Variants in MALRD1 observed in about 807,000 individuals in gnomAD.
MALRD1 encodes MAM and LDL receptor class A domain containing 1, also known as MAM and LDL-receptor class A domain-containing protein 1.
A neutral mutation model predicts 242.1 loss-of-function variants in MALRD1; 247 were observed. The ratio of observed to expected loss-of-function variants is 1.02; its 90% CI spans 0.92 to 1.13. The LOEUF (loss-of-function observed/expected upper bound fraction) is 1.13, where lower values mean the gene tolerates loss of function less well. Ranked by LOEUF, MALRD1 falls within the 50% of genes most tolerant of loss-of-function variation. The pLI, the probability that MALRD1 is intolerant of heterozygous loss-of-function variation, is 0.00. For synonymous variants in MALRD1, 995 were observed against 866.6 expected (o/e 1.15, Z -2.60); for missense variants, 2,989 against 2,533.1 (o/e 1.18, Z -3.86).
intron 36 of MALRD1, among the ~76,000 whole-genome samples, chr10:19,680,306 A>C (rs1353961624): frequency 2.0e-5 from 3 of 152,082 alleles, no homozygotes. Context: ...AACTTGTTTT[A>C]TGAATCTGGG....
chr10:19,675,386 T>G (rs1842097913), intron 36 of MALRD1, among the ~76,000 whole-genome samples: 1 of 152,192 alleles, frequency 6.6e-6, no homozygotes, highest in Non-Finnish European at 1.5e-5. Flanking sequence ...CATTGCTCTC[T>G]GAGCTTCAAT....
intron 26 of MALRD1, among the ~76,000 whole-genome samples, chr10:19,382,606 A>T (rs891238046): frequency 1.3e-5 from 2 of 152,022 alleles, no homozygotes; most frequent in African/African-American, 4.8e-5. Flanking sequence ...AATACTTGGG[A>T]TTTACACCTG....
At chr10:19,416,870 C>A (rs995794876) in intron 28 of MALRD1, among the ~76,000 whole-genome samples, 41 of 152,186 alleles carry the variant, frequency 2.7e-4, no homozygotes, top group Non-Finnish European at 4.7e-4. Context: ...GCTCTTTCTT[C>A]TTTAATTTGT....
At chr10:19,147,146 C>G (rs139589972) in intron 11 of MALRD1, among the ~76,000 whole-genome samples, 40 of 152,326 alleles carry the variant, frequency 2.6e-4, no homozygotes, top group Middle Eastern at 3.4e-3. Flanking sequence ...GAGGGAGCCA[C>G]CACACCTGGC....
intron 29 of MALRD1, among the ~76,000 whole-genome samples, chr10:19,486,496 T>G (rs1837243030): frequency 6.6e-6 from 1 of 152,194 alleles, no homozygotes. Context: ...TATAGCAGCC[T>G]TAGAAACCCT....
At chr10:19,556,499 T>C (rs530371425) in intron 32 of MALRD1, among the ~76,000 whole-genome samples, 1 of 152,236 alleles carries the variant, frequency 6.6e-6, no homozygotes, top group Admixed American at 6.6e-5. Context: ...TGAATTCACA[T>C]AGTTGGAATC....
chr10:19,113,072 GC>G lies in MALRD1; in HGVS notation c.694+9000del, dbSNP rs541888806. Among the ~76,000 whole-genome samples the G allele has an allele frequency of 1.3e-3, 192 of 151,114 alleles. 1 individual carries two copies. The highest frequency in any genetic ancestry group is 2.2e-3 in the Admixed American group (34 of 15,212). On this transcript the variant is annotated intron_variant, in intron 5 of 39. Transcript: ENST00000454679. ...TTTATCCAACCCTGACTTTGTTCCA[GC>G]CCACATTTTTTTTCCCCTATGGGAT...
chr10:19,357,626 A>T (rs1397338416), intron 26 of MALRD1, among the ~76,000 whole-genome samples: 2 of 152,084 alleles, frequency 1.3e-5, no homozygotes, highest in Non-Finnish European at 2.9e-5. Context: ...TGAGTAGTGT[A>T]TGTGTGTGTA....
At chr10:19,662,772 T>C (rs1048790627) in intron 36 of MALRD1, among the ~76,000 whole-genome samples, 1 of 152,048 alleles carries the variant, frequency 6.6e-6, no homozygotes, top group Non-Finnish European at 1.5e-5. Context: ...CCCATGCCAA[T>C]TCCATAACAA....
intron 32 of MALRD1, among the ~76,000 whole-genome samples, chr10:19,566,879 A>G (rs551980235): frequency 1.3e-5 from 2 of 152,148 alleles, no homozygotes; most frequent in South Asian, 4.1e-4. Context: ...TTATTTTTTT[A>G]AATTATTTGT....
At chr10:19,712,384 A>G (rs763200421) in intron 38 of MALRD1, among the ~76,000 whole-genome samples, 5 of 152,240 alleles carry the variant, frequency 3.3e-5, no homozygotes, top group Non-Finnish European at 5.9e-5. Flanking sequence ...CCATTGTTCT[A>G]AAAGCTGAAA....
intron 19 of MALRD1, among the ~76,000 whole-genome samples, chr10:19,264,174 C>A (rs1455079612): frequency 2.0e-5 from 3 of 152,084 alleles, no homozygotes; most frequent in Non-Finnish European, 2.9e-5. Context: ...GCCTTTTCTA[C>A]ATTTTTTGAC....
At position 19,348,729 on chromosome 10, in the gene MALRD1, AGACTT is replaced by A. The variant is rs202177876; in HGVS notation, c.4149+714_4149+718del. On this transcript the variant is annotated intron_variant, in intron 25 of 39. Coordinates refer to ENST00000454679, the MANE Select transcript of MALRD1 (RefSeq NM_001142308.3). ...TGCTTGTTTGTTTATATTCCATAAAAGACTTGAGTTAGCTAGGCTAGGAACTAAAT... is the reference window on the plus strand; with the variant it reads ...TGCTTGTTTGTTTATATTCCATAAAAGAGTTAGCTAGGCTAGGAACTAAAT... 1.0e-2 allele frequency among the ~76,000 whole-genome samples: 1,518 copies of A among 152,278 alleles called. 28 individuals are homozygous for A. Among genetic ancestry groups the A allele is most frequent in the African/African-American group, 0.034 (1,428 of 41,558 alleles).
At chr10:19,385,421 TC>T (rs1157741563) in intron 26 of MALRD1, among the ~76,000 whole-genome samples, 17 of 152,076 alleles carry the variant, frequency 1.1e-4, no homozygotes, top group Non-Finnish European at 2.9e-5. Flanking sequence ...ATCTCATTAC[TC>T]ATTATTGATC....
chr10:19,708,504 A>ATTTTTTTTTTTTTTTTTTTTTTTT, intron 38 of MALRD1, among the ~76,000 whole-genome samples: 1 of 56,818 alleles, frequency 1.8e-5, no homozygotes, highest in Non-Finnish European at 3.5e-5. Context: ...ACTCCCAGCT[A>ATTTTTTTTTTTTTTTTTTTTTTTT]TTTTTTTTTT....
chr10:19,113,516 A>G (rs1334332859), intron 5 of MALRD1, among the ~76,000 whole-genome samples: 2 of 139,210 alleles, frequency 1.4e-5, no homozygotes, highest in African/African-American at 5.4e-5. Context: ...TTTTCTCCCC[A>G]TTCCTCTCCC....
intron 29 of MALRD1, among the ~76,000 whole-genome samples, chr10:19,469,291 C>T (rs1390075932): frequency 1.3e-5 from 2 of 152,050 alleles, no homozygotes; most frequent in East Asian, 3.9e-4. Flanking sequence ...GTGTTCTTGT[C>T]GAATTACATA....
intron 29 of MALRD1, among the ~76,000 whole-genome samples, chr10:19,475,703 A>G (rs1224132134): frequency 6.6e-6 from 1 of 152,218 alleles, no homozygotes; most frequent in Admixed American, 6.5e-5. Flanking sequence ...TTTTATGCAG[A>G]AAAACATAAC....
chr10:19,397,686 AT>A, intron 28 of MALRD1, among the ~76,000 whole-genome samples: 1 of 152,244 alleles, frequency 6.6e-6, no homozygotes, highest in South Asian at 2.1e-4. Flanking sequence ...GGCTGTACTA[AT>A]TTATAATCCC....
Sources: allele counts gnomAD v4.1 joint callset (sites outside exome capture counted in the v4.1 genomes callset), GRCh38; gene constraint gnomAD v4.1.1; transcripts MANE v1.5; gene names NCBI Gene and HGNC (gene_info 2026-07-23, HGNC 2026-07-21).